SYT16: variants seen among roughly 807,000 people sequenced by gnomAD.
SYT16 encodes synaptotagmin 16.
A neutral mutation model predicts 61.4 loss-of-function variants in SYT16; 42 were observed. That is an observed-to-expected ratio of 0.68 (90% confidence interval 0.53 to 0.89). The LOEUF (loss-of-function observed/expected upper bound fraction) is 0.89, where lower values mean the gene tolerates loss of function less well. SYT16 is among the 40% of genes least tolerant of loss of function. The pLI is 0.00. For missense variants in SYT16, 804 were observed against 807.3 expected, an observed-to-expected ratio of 1.00 and a Z score of 0.05; for synonymous variants, 314 against 302.3, an observed-to-expected ratio of 1.04 and a Z score of -0.40.
At chr14:61,978,739 A>G (rs2051927611) in intron 2 of SYT16, among the ~76,000 whole-genome samples, 1 of 152,166 alleles carries the variant, frequency 6.6e-6, no homozygotes, top group South Asian at 2.1e-4. Flanking sequence ...CACACAAAGT[A>G]TCCATCTGGT....
intron 1 of SYT16, among the ~76,000 whole-genome samples, chr14:61,903,376 G>A (rs1016324108): frequency 6.6e-6 from 1 of 151,636 alleles, no homozygotes; most frequent in South Asian, 2.1e-4. Context: ...CGCCTTATTC[G>A]TCTTTGTGCC....
At chr14:62,035,632 T>C (rs1374399703) in intron 3 of SYT16, among the ~76,000 whole-genome samples, 3 of 152,216 alleles carry the variant, frequency 2.0e-5, no homozygotes, top group Non-Finnish European at 4.4e-5. Flanking sequence ...TGGGTGTTGT[T>C]CCACGCATTG....
At chr14:62,095,466 A>G (rs1033768495) in intron 7 of SYT16, among the ~76,000 whole-genome samples, 30 of 152,078 alleles carry the variant, frequency 2.0e-4, no homozygotes, top group African/African-American at 7.0e-4. Flanking sequence ...ACAATCAGAA[A>G]GTGGAGCTTT....
chr14:62,097,109 T>C (rs1438393796), intron 7 of SYT16, among the ~76,000 whole-genome samples: 1 of 152,100 alleles, frequency 6.6e-6, no homozygotes, highest in Non-Finnish European at 1.5e-5. Context: ...GTTGTTTCTT[T>C]GGAAAAATGC....
intron 1 of SYT16, among the ~76,000 whole-genome samples, chr14:61,966,103 A>G (rs976496839): frequency 1.3e-5 from 2 of 151,148 alleles, no homozygotes; most frequent in Non-Finnish European, 3.0e-5. Context: ...AAAATGTTAT[A>G]CCCATCCATA....
At chr14:62,009,711 G>A (rs776052701) in intron 3 of SYT16, among the ~76,000 whole-genome samples, 78 of 152,148 alleles carry the variant, frequency 5.1e-4, no homozygotes, top group Non-Finnish European at 8.5e-4. Flanking sequence ...GTTCCTATTA[G>A]GGGTACTCCA....
At chr14:61,818,576 G>A in intron 1 of SYT16, among the ~76,000 whole-genome samples, 1 of 151,746 alleles carries the variant, frequency 6.6e-6, no homozygotes, top group East Asian at 1.9e-4. Context: ...TACTTGGGAG[G>A]CTGAGGCAGG....
chr14:62,032,967 A>G (rs949859483), intron 3 of SYT16, among the ~76,000 whole-genome samples: 14 of 152,010 alleles, frequency 9.2e-5, no homozygotes, highest in African/African-American at 3.4e-4. Flanking sequence ...GTTAAATGCA[A>G]ATCTAATACT....
At chr14:61,927,580 A>C (rs1168773708) in intron 1 of SYT16, among the ~76,000 whole-genome samples, 1 of 152,212 alleles carries the variant, frequency 6.6e-6, no homozygotes, top group Non-Finnish European at 1.5e-5. Flanking sequence ...ATGCCATTGA[A>C]CAGGTGGTTA....
intron 2 of SYT16, among the ~76,000 whole-genome samples, chr14:61,992,123 A>G (rs138948521): frequency 3.3e-5 from 5 of 152,260 alleles, no homozygotes; most frequent in African/African-American, 1.2e-4. Flanking sequence ...GGGAAACGTT[A>G]TATCATAAAG....
At chr14:62,077,913 C>T (rs866675061) in intron 5 of SYT16, among the ~76,000 whole-genome samples, 4 of 152,160 alleles carry the variant, frequency 2.6e-5, no homozygotes, top group Middle Eastern at 3.4e-3. Flanking sequence ...AGCATTTATC[C>T]GAAGAGACAG....
intron 4 of SYT16, among the ~76,000 whole-genome samples, chr14:62,070,903 T>C (rs2056274064): frequency 6.6e-6 from 1 of 151,956 alleles, no homozygotes; most frequent in African/African-American, 2.4e-5. Context: ...GTGCAGAAAT[T>C]GAGAGAAGAT....
At chr14:62,037,076 C>T (rs1157974933) in intron 3 of SYT16, among the ~76,000 whole-genome samples, 1 of 152,172 alleles carries the variant, frequency 6.6e-6, no homozygotes, top group Non-Finnish European at 1.5e-5. Context: ...CCACTGTATG[C>T]AGCAACTAGG....
rs1482048742 is a variant in SYT16 at position 62,075,171 on chromosome 14, A to C, written c.773A>C (p.Asn258Thr). The change falls in exon 5 of 8, where the codon AAT becomes ACT. Residue 258 changes from asparagine to threonine, a missense_variant. By Grantham distance (65) the Asn-to-Thr change is moderately conservative. Coordinates refer to ENST00000683842, the MANE Select transcript of SYT16 (RefSeq NM_001367656.1). ...DGASQRRYSENLSYGEDDHIP... is the reference protein window; with the variant it reads ...DGASQRRYSETLSYGEDDHIP... ...GCCAGCCAACGGCGTTATTCTGAGA[A>C]TCTCTCCTACGGTGAAGATGACCAC... The C allele has an allele frequency of 1.9e-6, 3 of 1,612,216 alleles. No individual in the cohort carries two copies. The highest frequency in any genetic ancestry group is 2.7e-5 in the African/African-American group (2 of 74,898).
At chr14:62,096,945 A>T (rs2057292950) in intron 7 of SYT16, among the ~76,000 whole-genome samples, 1 of 152,188 alleles carries the variant, frequency 6.6e-6, no homozygotes, top group Non-Finnish European at 1.5e-5. Flanking sequence ...TTAAAAGGGA[A>T]AGTTAAATGG....
intron 1 of SYT16, among the ~76,000 whole-genome samples, chr14:61,843,957 A>T (rs1244452774): frequency 2.6e-5 from 4 of 152,086 alleles, no homozygotes; most frequent in Non-Finnish European, 5.9e-5. Flanking sequence ...TGGTATTTTG[A>T]TAGGGATTGC....
At chr14:61,923,911 C>CA (rs1332863386) in intron 1 of SYT16, among the ~76,000 whole-genome samples, 2 of 152,132 alleles carry the variant, frequency 1.3e-5, no homozygotes, top group Admixed American at 1.3e-4. Flanking sequence ...ATTAAGATCA[C>CA]AATTAATGTA....
At chr14:62,080,319 A>C (rs1439495017) in intron 5 of SYT16, among the ~76,000 whole-genome samples, 1 of 152,234 alleles carries the variant, frequency 6.6e-6, no homozygotes, top group Non-Finnish European at 1.5e-5. Context: ...TGAGAAGCTC[A>C]GCCCTAAACC....
At chr14:62,013,403 C>T (rs1011954982) in intron 3 of SYT16, among the ~76,000 whole-genome samples, 3 of 152,132 alleles carry the variant, frequency 2.0e-5, no homozygotes, top group African/African-American at 7.2e-5. Context: ...TGAAAAAATT[C>T]CTGGGCATTA....
Sources: allele counts gnomAD v4.1 joint callset (sites outside exome capture counted in the v4.1 genomes callset), GRCh38; gene constraint gnomAD v4.1.1; transcripts MANE v1.5; gene names NCBI Gene and HGNC (gene_info 2026-07-23, HGNC 2026-07-21).